The following ANO6 variants were observed in gnomAD, a reference collection of about 807,000 sequenced individuals.
ANO6 encodes the protein anoctamin-6.
A neutral mutation model predicts 117.5 loss-of-function variants in ANO6; 106 were observed. The ratio of observed to expected loss-of-function variants is 0.90; its 90% CI spans 0.77 to 1.06. ANO6 has a LOEUF of 1.06. ANO6 is among the 50% of genes least tolerant of loss of function. ANO6 has a pLI of 0.00. For missense variants in ANO6, 955 were observed against 1,121.1 expected (o/e 0.85, Z 2.12); for synonymous variants, 367 against 385.1 (o/e 0.95, Z 0.55).
intron 4 of ANO6, 119 bp from the exon 5 acceptor site, chr12:45,347,909 T>G (rs1266884442): frequency 1.1e-6 from 1 of 945,042 alleles, no homozygotes; most frequent in Non-Finnish European, 1.6e-6. Flanking sequence ...ATCTTCACTT[T>G]TAGTGGTGGT....
Position 45,403,204 on chromosome 12 carries a change from A to AC in ANO6, c.1748dup (p.Val584SerfsTer10), listed in dbSNP as rs1942840953. 6.2e-7 allele frequency: 1 copy of AC among 1,613,936 alleles called. No homozygotes were observed. The highest frequency in any genetic ancestry group is 8.5e-7 in the Non-Finnish European group (1 of 1,179,900). Reference sequence around the variant, plus strand: ...GGCAAATTTGTAGGCTATCCAGGAGACCCAGTTTATTGGTTGGGAAAATAC... The same window carrying AC: ...GGCAAATTTGTAGGCTATCCAGGAGACCCCAGTTTATTGGTTGGGAAAATAC... On this transcript the variant is annotated frameshift_variant, in exon 14 of 20. Transcript: ENST00000320560. LOFTEE classifies it high-confidence loss of function.
chr12:45,218,390 CTTTTTTTTTT>C (rs76855973), intron 1 of ANO6, among the ~76,000 whole-genome samples: 4 of 110,108 alleles, frequency 3.6e-5, no homozygotes, highest in Non-Finnish European at 5.4e-5. Flanking sequence ...CTTTCTTTCT[CTTTTTTTTTT>C]TTTTTTTTTT....
chr12:45,236,210 C>G (rs1387449916), intron 1 of ANO6, among the ~76,000 whole-genome samples: 1 of 152,102 alleles, frequency 6.6e-6, no homozygotes, highest in Non-Finnish European at 1.5e-5. Context: ...GGTAGAGCTA[C>G]TGTATGTGCC....
At chr12:45,379,651 C>T (rs1378712403) in intron 10 of ANO6, among the ~76,000 whole-genome samples, 1 of 152,148 alleles carries the variant, frequency 6.6e-6, no homozygotes, top group Non-Finnish European at 1.5e-5. Context: ...ACTGCATATA[C>T]TAATGGATGC....
intron 3 of ANO6, among the ~76,000 whole-genome samples, chr12:45,345,868 C>T (rs1592993931): frequency 6.6e-6 from 1 of 152,030 alleles, no homozygotes; most frequent in South Asian, 2.1e-4. Flanking sequence ...GATTGGCTCA[C>T]AGTTCTGTAG....
intron 1 of ANO6, among the ~76,000 whole-genome samples, chr12:45,286,021 A>T (rs1938903427): frequency 6.6e-6 from 1 of 152,164 alleles, no homozygotes; most frequent in African/African-American, 2.4e-5. Flanking sequence ...CCTGATCTGG[A>T]TATCCTGCTT....
In ANO6 at chr12:45,431,103, C is replaced by A. The variant is rs1943621291; in HGVS notation, c.*1792C>A. ...CAGTATTGTAGGCTTTTGAATTGTC[C>A]CAGTGGATCCGGGACCCCATTTCAC... On this transcript the variant is annotated 3_prime_UTR_variant, in exon 20 of 20. Transcript: ENST00000320560. The A allele has an allele frequency of 1.0e-6, 1 of 985,202 alleles. No homozygotes were observed. Among genetic ancestry groups the A allele is most frequent in the Non-Finnish European group, 1.2e-6 (1 of 829,934 alleles). The allele number at this position is 985,202 out of a possible 1,614,324, so 61.0% of individuals were successfully genotyped here. A position where few individuals can be genotyped will look rare whatever the true frequency, so the allele number is the denominator to read the frequency against.
chr12:45,247,824 C>T (rs766559861), intron 1 of ANO6, among the ~76,000 whole-genome samples: 3 of 152,158 alleles, frequency 2.0e-5, no homozygotes, highest in Non-Finnish European at 4.4e-5. Context: ...ATCCCAATGA[C>T]CTTCCAAAGG....
chr12:45,374,072 C>T (rs1411975192), intron 9 of ANO6, among the ~76,000 whole-genome samples: 12 of 150,322 alleles, frequency 8.0e-5, no homozygotes, highest in Admixed American at 4.0e-4. Flanking sequence ...ATACTACAAA[C>T]ACCTCTATGC....
At chr12:45,402,685 T>C (rs1277313273) in intron 13 of ANO6, among the ~76,000 whole-genome samples, 2 of 152,250 alleles carry the variant, frequency 1.3e-5, no homozygotes, top group Admixed American at 6.5e-5. Context: ...TTTTCTTCAA[T>C]AGACCTACCT....
At chr12:45,333,885 G>T (rs963020971) in intron 3 of ANO6, among the ~76,000 whole-genome samples, 1 of 151,908 alleles carries the variant, frequency 6.6e-6, no homozygotes, top group Non-Finnish European at 1.5e-5. Flanking sequence ...AAAAACTTAT[G>T]TGTAAACCAT....
At chr12:45,334,600 A>G (rs574331372) in intron 3 of ANO6, among the ~76,000 whole-genome samples, 11 of 152,008 alleles carry the variant, frequency 7.2e-5, no homozygotes, top group Non-Finnish European at 1.6e-4. Flanking sequence ...TCCTAAATCA[A>G]CTACTGGAAA....
In ANO6 at chr12:45,431,701, G is replaced by T. The variant is rs1943637130; in HGVS notation, c.*2390G>T. The T allele has an allele frequency of 1.0e-6, 1 of 985,414 alleles. No individual in the cohort carries two copies. The highest frequency in any genetic ancestry group is 1.7e-5 in the African/African-American group (1 of 57,352). The allele number at this position is 985,414 out of a possible 1,614,324, so 61.0% of individuals were successfully genotyped here. A position where few individuals can be genotyped will look rare whatever the true frequency, so the allele number is the denominator to read the frequency against. On this transcript the variant is annotated 3_prime_UTR_variant, in exon 20 of 20. Coordinates refer to ENST00000320560, the MANE Select transcript of ANO6 (RefSeq NM_001025356.3). Reference sequence around the variant, plus strand: ...ACTTGCAGTGATAAAGAAAAGCATGGAGCTGTGTCTGCAGACAATGGTGGC... The same window carrying T: ...ACTTGCAGTGATAAAGAAAAGCATGTAGCTGTGTCTGCAGACAATGGTGGC...
chr12:45,249,375 GGT>G (rs1947870013), intron 1 of ANO6, among the ~76,000 whole-genome samples: 2 of 151,974 alleles, frequency 1.3e-5, no homozygotes, highest in African/African-American at 4.8e-5. Flanking sequence ...ATTATTCTGA[GGT>G]ATTTATTCTT....
At chr12:45,225,753 T>C (rs1328127342) in intron 1 of ANO6, among the ~76,000 whole-genome samples, 1 of 152,212 alleles carries the variant, frequency 6.6e-6, no homozygotes, top group Non-Finnish European at 1.5e-5. Context: ...CCTTCCAAAG[T>C]GCTGGGATTA....
chr12:45,372,046 G>A (rs1488044562), intron 9 of ANO6, among the ~76,000 whole-genome samples: 7 of 152,144 alleles, frequency 4.6e-5, no homozygotes, highest in Admixed American at 1.3e-4. Context: ...GCCAAGGCTC[G>A]AGAACTACGT....
At chr12:45,324,884 G>A (rs1378069184) in intron 2 of ANO6, among the ~76,000 whole-genome samples, 1 of 152,108 alleles carries the variant, frequency 6.6e-6, no homozygotes, top group Non-Finnish European at 1.5e-5. Flanking sequence ...CCTGACACAG[G>A]TGTCTACTAA....
At chr12:45,263,779 A>G (rs1171102884) in intron 1 of ANO6, among the ~76,000 whole-genome samples, 3 of 152,162 alleles carry the variant, frequency 2.0e-5, no homozygotes, top group Non-Finnish European at 4.4e-5. Context: ...CACACCATCC[A>G]GGTGTTTGTA....
chr12:45,256,024 A>G (rs1170233054), intron 1 of ANO6, among the ~76,000 whole-genome samples: 1 of 151,758 alleles, frequency 6.6e-6, no homozygotes, highest in African/African-American at 2.4e-5. Flanking sequence ...GGGTTTTGCC[A>G]TGGTGGCCAG....
Sources: allele counts gnomAD v4.1 joint callset (sites outside exome capture counted in the v4.1 genomes callset), GRCh38; gene constraint gnomAD v4.1.1; transcripts MANE v1.5; gene names NCBI Gene and HGNC (gene_info 2026-07-23, HGNC 2026-07-21).